Variants in BTAF1 observed in about 807,000 individuals in gnomAD.
BTAF1 encodes TATA-binding protein-associated factor 172.
BTAF1 carries 38 observed loss-of-function variants against 227.1 expected under a neutral mutation model. That is an observed-to-expected ratio of 0.17 (90% CI 0.13 to 0.22). The LOEUF (loss-of-function observed/expected upper bound fraction) is 0.22. Ranked by LOEUF, BTAF1 falls within the 10% of genes least tolerant of loss-of-function variation. BTAF1 has a pLI of 1.00. For synonymous variants in BTAF1, 742 were observed against 751.9 expected (o/e 0.99, Z 0.21); for missense variants, 1,598 against 2,204.0 (o/e 0.73, Z 5.51).
At chr10:92,008,704 C>A in intron 26 of BTAF1, 125 bp from the exon 27 acceptor site, 1 of 894,124 alleles carries the variant, frequency 1.1e-6, no homozygotes, top group Non-Finnish European at 1.6e-6. Flanking sequence ...GTCTTATACC[C>A]ATTTATTTCT....
intron 16 of BTAF1, 44 bp from the exon 17 acceptor site, chr10:91,982,039 T>C: frequency 6.3e-7 from 1 of 1,581,784 alleles, no homozygotes; most frequent in Non-Finnish European, 8.6e-7. Context: ...CTATTCAGTT[T>C]TAATGGTTAA....
chr10:92,004,956 T>C (rs1225482736), intron 25 of BTAF1, among the ~76,000 whole-genome samples: 1 of 152,250 alleles, frequency 6.6e-6, no homozygotes, highest in Non-Finnish European at 1.5e-5. Context: ...GTTTCATTCT[T>C]CTGCATGTGA....
chr10:92,013,607 CT>C (rs1850515112), intron 30 of BTAF1, 59 bp from the exon 31 acceptor site: 1 of 1,602,524 alleles, frequency 6.2e-7, no homozygotes, highest in Non-Finnish European at 8.5e-7. Flanking sequence ...ATTAATGTTA[CT>C]TTTTTAGTTG....
At chr10:91,940,214 A>C in intron 3 of BTAF1, 148 bp downstream of exon 3, 1 of 385,700 alleles carries the variant, frequency 2.6e-6, no homozygotes, top group Middle Eastern at 6.4e-4. Context: ...ATACTGAATA[A>C]GGTGATTTTT....
intron 6 of BTAF1, among the ~76,000 whole-genome samples, 192 bp from the exon 7 acceptor site, chr10:91,956,336 A>G (rs1018877593): frequency 6.6e-6 from 1 of 152,232 alleles, no homozygotes; most frequent in South Asian, 2.1e-4. Context: ...TGCTCAAAAA[A>G]TTTTAAGCAG....
chr10:91,981,870 G>A (rs905932190), intron 16 of BTAF1, 78 bp downstream of exon 16: 2 of 1,464,678 alleles, frequency 1.4e-6, no homozygotes, highest in Non-Finnish European at 1.8e-6. Flanking sequence ...TTAAAAATCT[G>A]TATTGCCTTA....
intron 33 of BTAF1, among the ~76,000 whole-genome samples, chr10:92,018,561 G>C (rs1466407892): frequency 6.6e-6 from 1 of 152,130 alleles, no homozygotes; most frequent in Non-Finnish European, 1.5e-5. Flanking sequence ...GATATAAACA[G>C]TACAATTTAT....
Position 92,024,732 on chromosome 10 carries a change from G to GTTTTTTTGTTTTTTTTTTTTTTTTTT in BTAF1, c.4864-17_4864-16insGTTTTTTTTTTTTTTTTTTTTTTTTT. 3.9e-6 allele frequency: 5 copies of GTTTTTTTGTTTTTTTTTTTTTTTTTT among 1,267,284 alleles called. 1 individual carries two copies. The highest frequency in any genetic ancestry group is 5.4e-6 in the Non-Finnish European group (5 of 925,616). The allele number at this position is 1,267,284 out of a possible 1,614,324, so 78.5% of individuals were successfully genotyped here. A position where few individuals can be genotyped will look rare whatever the true frequency, so the allele number is the denominator to read the frequency against. On this transcript the variant is annotated intron_variant, in intron 34 of 37. Coordinates refer to ENST00000265990, the MANE Select transcript of BTAF1 (RefSeq NM_003972.3). ...TCTGCTTTTATTGAACGCTTATGTAGTTTTTTTTTTTTTTCTTCCTAAGTT... is the reference window on the plus strand; with the variant it reads ...TCTGCTTTTATTGAACGCTTATGTAGTTTTTTTGTTTTTTTTTTTTTTTTTTTTTTTTTTTTTTTTCTTCCTAAGTT...
At chr10:91,960,718 GGTTA>G (rs1489131948) in intron 11 of BTAF1, among the ~76,000 whole-genome samples, 2 of 151,760 alleles carry the variant, frequency 1.3e-5, no homozygotes, top group Non-Finnish European at 1.5e-5. Flanking sequence ...AACTAGTTAA[GGTTA>G]GTTAGTACTA....
intron 24 of BTAF1, 154 bp from the exon 25 acceptor site, chr10:91,997,449 T>C (rs950983947): frequency 1.5e-6 from 1 of 656,006 alleles, no homozygotes; most frequent in Non-Finnish European, 2.5e-6. Flanking sequence ...GATACTTTTA[T>C]AATTGAATCA....
At chr10:92,026,855 C>A in intron 36 of BTAF1, 104 bp downstream of exon 36, 1 of 1,256,916 alleles carries the variant, frequency 8.0e-7, no homozygotes, top group Non-Finnish European at 1.1e-6. Flanking sequence ...TGTTAACATA[C>A]ATGTGTTATG....
chr10:91,987,671 C>G (rs1197805186), intron 19 of BTAF1, among the ~76,000 whole-genome samples: 1 of 152,140 alleles, frequency 6.6e-6, no homozygotes, highest in Non-Finnish European at 1.5e-5. Flanking sequence ...ACATCCCTCT[C>G]CTGCTTAAAA....
chr10:91,997,498 T>G, intron 24 of BTAF1, 105 bp from the exon 25 acceptor site: 100 of 973,208 alleles, frequency 1.0e-4, no homozygotes, highest in East Asian at 1.8e-4. Context: ...ATAATACAGA[T>G]GAGAAAATGG....
intron 25 of BTAF1, among the ~76,000 whole-genome samples, chr10:92,000,251 C>G (rs189537942): frequency 6.6e-6 from 1 of 152,156 alleles, no homozygotes; most frequent in African/African-American, 2.4e-5. Context: ...ATCTTCATCC[C>G]ACCTTTAAAC....
chr10:91,973,737 T>C (rs2133950759), intron 14 of BTAF1, among the ~76,000 whole-genome samples: 1 of 151,440 alleles, frequency 6.6e-6, no homozygotes, highest in South Asian at 2.1e-4. Flanking sequence ...ACCCCGTCTC[T>C]ACTAAAAATA....
intron 19 of BTAF1, 33 bp downstream of exon 19, chr10:91,984,437 T>C (rs1848262979): frequency 6.5e-7 from 1 of 1,531,520 alleles, no homozygotes; most frequent in Non-Finnish European, 8.9e-7. Context: ...TAATTAGAGA[T>C]AGAACATGAA....
chr10:91,939,869 A>T, intron 2 of BTAF1, 83 bp from the exon 3 acceptor site: 1 of 795,438 alleles, frequency 1.3e-6, no homozygotes, highest in Non-Finnish European at 2.0e-6. Context: ...CATTAATAAC[A>T]AGTAAATTTG....
intron 32 of BTAF1, among the ~76,000 whole-genome samples, chr10:92,014,702 A>G (rs1185503941): frequency 3.9e-5 from 6 of 152,238 alleles, no homozygotes. Context: ...GACATTCAGA[A>G]AAGTTACATA....
rs1352232727 is a variant in BTAF1, at chr10:91,956,641, C to T, written c.815C>T (p.Ser272Phe). Residue 272 changes from serine to phenylalanine, a missense_variant, in exon 7 of 38, where the codon TCT becomes TTT. Coordinates refer to ENST00000265990, the MANE Select transcript of BTAF1 (RefSeq NM_003972.3). ...TTGATTGATAATATTCCAGACAGCTCTTCCTTAATTGAAGAGGTACTCTTG... is the reference window on the plus strand; with the variant it reads ...TTGATTGATAATATTCCAGACAGCTTTTCCTTAATTGAAGAGGTACTCTTG... ...KVLIDNIPDS[S>F]SLIEETNEWP... 1 of 1,610,088 alleles carries T rather than the reference C, an allele frequency of 6.2e-7. No individual in the cohort carries two copies. Among genetic ancestry groups the T allele is most frequent in the South Asian group, 1.1e-5 (1 of 90,674 alleles).
Sources: gnomAD v4.1 joint callset for allele counts (sites outside exome capture counted in the v4.1 genomes callset) on GRCh38, gnomAD v4.1.1 for gene constraint, MANE v1.5 for transcripts, NCBI Gene and HGNC (gene_info 2026-07-23, HGNC 2026-07-21) for gene names.